MRAP2: variants seen among roughly 807,000 people sequenced by gnomAD.
The protein encoded by MRAP2 is melanocortin-2 receptor accessory protein 2.
MRAP2 carries 20 observed loss-of-function variants against 17.4 expected under a neutral mutation model. That is an observed-to-expected ratio of 1.15 (90% confidence interval 0.81 to 1.67). The LOEUF is 1.67. MRAP2 is among the 40% of genes most tolerant of loss of function. The probability of loss-of-function intolerance (pLI) is 0.00; values close to 1 mark genes in which losing one functional copy is unlikely to be tolerated. For missense variants in MRAP2, 238 were observed against 240.0 expected, an observed-to-expected ratio of 0.99 and a Z score of 0.05; for synonymous variants, 96 against 88.4, an observed-to-expected ratio of 1.09 and a Z score of -0.48.
the MRAP2 span, among the ~76,000 whole-genome samples, chr6:84,118,297 C>G: frequency 6.6e-6 from 1 of 152,172 alleles, no homozygotes; most frequent in African/African-American, 2.4e-5. Flanking sequence ...TGCTGGGAAA[C>G]CACCTCTGCC....
chr6:84,125,676 A>G, the MRAP2 span, among the ~76,000 whole-genome samples: 5 of 152,086 alleles, frequency 3.3e-5, no homozygotes, highest in Non-Finnish European at 7.4e-5. Context: ...CTCTGCACAC[A>G]TGGTACTGAG....
At chr6:84,080,624 A>G (rs1489185719) in intron 3 of MRAP2, among the ~76,000 whole-genome samples, 1 of 152,210 alleles carries the variant, frequency 6.6e-6, no homozygotes. Flanking sequence ...CCTGAAGTCC[A>G]TATTTAAGTT....
the MRAP2 span, among the ~76,000 whole-genome samples, chr6:84,104,962 A>G: frequency 6.6e-6 from 1 of 152,252 alleles, no homozygotes. Context: ...AAATGCCACG[A>G]GTCTCTTTGC....
At chr6:84,122,141 A>T in the MRAP2 span, among the ~76,000 whole-genome samples, 2 of 152,102 alleles carry the variant, frequency 1.3e-5, no homozygotes, top group Admixed American at 1.3e-4. Flanking sequence ...CAGACATACA[A>T]AGAGCTAGTA....
At chr6:84,066,004 A>AACACACACACACACAC (rs10684117) in intron 3 of MRAP2, among the ~76,000 whole-genome samples, 1 of 142,416 alleles carries the variant, frequency 7.0e-6, no homozygotes, top group African/African-American at 2.5e-5. Flanking sequence ...TCTCTTTATA[A>AACACACACACACACAC]ACACACACAC....
chr6:84,069,469 T>C (rs1283529218), intron 3 of MRAP2, among the ~76,000 whole-genome samples: 2 of 152,224 alleles, frequency 1.3e-5, no homozygotes, highest in African/African-American at 4.8e-5. Flanking sequence ...GATTACCTTT[T>C]TGATATGTTG....
At chr6:84,106,010 A>G in the MRAP2 span, among the ~76,000 whole-genome samples, 4 of 152,224 alleles carry the variant, frequency 2.6e-5, no homozygotes, top group South Asian at 8.3e-4. Flanking sequence ...AATCTATCAC[A>G]TATTAGACAC....
intron 1 of MRAP2, among the ~76,000 whole-genome samples, chr6:84,041,327 C>T (rs1182022402): frequency 3.3e-5 from 5 of 152,220 alleles, no homozygotes; most frequent in South Asian, 4.1e-4. Context: ...AAGTGTGCTG[C>T]AGGGACAGAG....
chr6:84,040,859 A>G (rs1247084736), intron 1 of MRAP2, among the ~76,000 whole-genome samples: 2 of 152,196 alleles, frequency 1.3e-5, no homozygotes, highest in Non-Finnish European at 2.9e-5. Flanking sequence ...GCAACCTGAC[A>G]ATGTGGTAGA....
intron 3 of MRAP2, among the ~76,000 whole-genome samples, chr6:84,071,232 A>T (rs572960453): frequency 3.9e-4 from 59 of 152,288 alleles, no homozygotes; most frequent in African/African-American, 1.4e-3. Flanking sequence ...GATTTGTTTC[A>T]AGACTTAAAG....
intron 1 of MRAP2, among the ~76,000 whole-genome samples, chr6:84,040,483 G>A (rs2099487245): frequency 6.6e-6 from 1 of 152,210 alleles, no homozygotes. Context: ...GGAAGGCTCA[G>A]AAGAAGACAG....
the MRAP2 span, among the ~76,000 whole-genome samples, chr6:84,145,847 C>T: frequency 1.7e-4 from 26 of 152,248 alleles, no homozygotes; most frequent in East Asian, 5.0e-3. Context: ...TTGAGCCCAA[C>T]ATCTAGAACT....
the MRAP2 span, chr6:84,124,272 G>A: frequency 6.6e-6 from 1 of 152,046 alleles, no homozygotes; most frequent in South Asian, 2.1e-4. Context: ...TATGTTTATT[G>A]CAGCAATATT....
chr6:84,119,749 C>T, the MRAP2 span, among the ~76,000 whole-genome samples: 56 of 152,250 alleles, frequency 3.7e-4, no homozygotes, highest in South Asian at 1.5e-3. Context: ...TTTTGTGTAT[C>T]ACAATAAGCA....
At chr6:84,034,654 G>T (rs1346351363) in intron 1 of MRAP2, among the ~76,000 whole-genome samples, 1 of 151,972 alleles carries the variant, frequency 6.6e-6, no homozygotes, top group East Asian at 1.9e-4. Context: ...CCACTACTCT[G>T]CATTTAGTTT....
chr6:84,059,404 G>A (rs2099492515), intron 2 of MRAP2, among the ~76,000 whole-genome samples: 1 of 152,152 alleles, frequency 6.6e-6, no homozygotes, highest in Non-Finnish European at 1.5e-5. Flanking sequence ...TACTGCCTTA[G>A]GAACAAAAAG....
At chr6:84,108,540 C>T in the MRAP2 span, among the ~76,000 whole-genome samples, 2 of 150,686 alleles carry the variant, frequency 1.3e-5, no homozygotes, top group Non-Finnish European at 3.0e-5. Flanking sequence ...TTATTTTTTT[C>T]TAAATTTGTT....
At chr6:84,135,282 CTG>C in the MRAP2 span, among the ~76,000 whole-genome samples, 8 of 152,226 alleles carry the variant, frequency 5.3e-5, no homozygotes, top group African/African-American at 1.9e-4. Context: ...ATGAATAAAA[CTG>C]TTATCTTTTT....
intron 1 of MRAP2, among the ~76,000 whole-genome samples, chr6:84,034,453 G>A (rs2129154641): frequency 6.6e-6 from 1 of 151,886 alleles, no homozygotes; most frequent in East Asian, 2.0e-4. Context: ...GGGAAATAGG[G>A]GTTTTACACT....
Sources: allele counts gnomAD v4.1 joint callset (sites outside exome capture counted in the v4.1 genomes callset), GRCh38; gene constraint gnomAD v4.1.1; transcripts MANE v1.5; gene names NCBI Gene and HGNC (gene_info 2026-07-23, HGNC 2026-07-21).